DPP10: variants seen among roughly 807,000 people sequenced by gnomAD.
DPP10 encodes dipeptidyl peptidase like 10, also known as inactive dipeptidyl peptidase 10.
A neutral mutation model predicts 120.9 loss-of-function variants in DPP10; 33 were observed. The ratio of observed to expected loss-of-function variants is 0.27; its 90% CI spans 0.21 to 0.37. The LOEUF is 0.37. DPP10 is among the 10% of genes least tolerant of loss of function. The pLI is 1.00. For missense variants in DPP10, 816 were observed against 942.8 expected (o/e 0.87, Z 1.76); for synonymous variants, 337 against 326.1 (o/e 1.03, Z -0.36).
intron 1 of DPP10, among the ~76,000 whole-genome samples, chr2:115,146,644 T>C (rs1371358604): frequency 1.3e-5 from 2 of 151,440 alleles, no homozygotes; most frequent in East Asian, 1.9e-4. Flanking sequence ...CATTCTGGTA[T>C]AGTCTGATTG....
intron 1 of DPP10, among the ~76,000 whole-genome samples, chr2:114,804,115 G>T (rs748590159): frequency 2.0e-5 from 3 of 152,192 alleles, no homozygotes; most frequent in Admixed American, 6.5e-5. Context: ...GGGCTGTAGG[G>T]GCTGTGGCTT....
At position 114,511,100 on chromosome 2, in the gene DPP10, T is replaced by C. The variant is rs192467931; in HGVS notation, c.60+68262T>C. 3.8e-3 allele frequency among the ~76,000 whole-genome samples: 576 copies of C among 152,298 alleles called. 2 individuals carry two copies. The highest frequency in any genetic ancestry group is 0.013 in the African/African-American group (547 of 41,558). ...AAGAGTGGGGACTAACAATTCAATC[T>C]TATACCAAAGATAAATAAGTATGTA... On this transcript the variant is annotated intron_variant, in intron 1 of 25. Coordinates refer to ENST00000410059, the MANE Select transcript of DPP10 (RefSeq NM_020868.6).
intron 3 of DPP10, among the ~76,000 whole-genome samples, chr2:115,379,350 G>A (rs1480790234): frequency 8.5e-5 from 13 of 152,126 alleles, no homozygotes; most frequent in Non-Finnish European, 1.9e-4. Context: ...AGAGTTGTTT[G>A]TAGTATTCTC....
intron 8 of DPP10, among the ~76,000 whole-genome samples, chr2:115,738,293 C>G (rs574726724): frequency 6.6e-6 from 1 of 152,238 alleles, no homozygotes; most frequent in Admixed American, 6.5e-5. Context: ...CCATCGTGAC[C>G]TTTGGTTTTG....
intron 5 of DPP10, among the ~76,000 whole-genome samples, chr2:115,644,170 A>T (rs559890961): frequency 3.3e-5 from 5 of 151,948 alleles, no homozygotes; most frequent in African/African-American, 7.2e-5. Flanking sequence ...ATATATATAT[A>T]TTTTTATTAT....
intron 1 of DPP10, among the ~76,000 whole-genome samples, chr2:114,570,075 A>T (rs775719071): frequency 1.3e-5 from 2 of 152,158 alleles, no homozygotes; most frequent in Non-Finnish European, 2.9e-5. Flanking sequence ...CTAATGGGGG[A>T]TGAGAAGTTT....
At chr2:115,262,069 C>T (rs1574210215) in intron 1 of DPP10, among the ~76,000 whole-genome samples, 1 of 152,184 alleles carries the variant, frequency 6.6e-6, no homozygotes, top group Non-Finnish European at 1.5e-5. Context: ...ACTTCTACCA[C>T]ATACAAATTG....
intron 1 of DPP10, among the ~76,000 whole-genome samples, chr2:114,656,381 G>T (rs1182418488): frequency 1.3e-5 from 2 of 152,026 alleles, no homozygotes; most frequent in African/African-American, 4.8e-5. Flanking sequence ...AGGAGGAAAA[G>T]GAGTGATTTG....
intron 5 of DPP10, among the ~76,000 whole-genome samples, chr2:115,643,327 A>G (rs1022921388): frequency 5.9e-5 from 9 of 152,168 alleles, no homozygotes; most frequent in Non-Finnish European, 1.3e-4. Flanking sequence ...TTCGGCTGCA[A>G]TAGAGAGATT....
chr2:115,004,864 C>T (rs1487307797), intron 1 of DPP10, among the ~76,000 whole-genome samples: 1 of 152,164 alleles, frequency 6.6e-6, no homozygotes, highest in Non-Finnish European at 1.5e-5. Flanking sequence ...GTGGAGCCCA[C>T]CACAGCTCAA....
At position 114,796,526 on chromosome 2, in the gene DPP10, A is replaced by C. The variant is rs182320521; in HGVS notation, c.60+353688A>C. On this transcript the variant is annotated intron_variant, in intron 1 of 25. Coordinates refer to ENST00000410059, the MANE Select transcript of DPP10 (RefSeq NM_020868.6). ...TTAGTCAACTGTTGATGTTACTGGT[A>C]AGGCTTTTGGTCAACAGTATGCTAT... Among the ~76,000 whole-genome samples the C allele has an allele frequency of 1.3e-3, 195 of 152,186 alleles. 1 individual carries two copies. The highest frequency in any genetic ancestry group is 4.2e-3 in the African/African-American group (176 of 41,532).
chr2:114,800,932 G>A (rs1684137390), intron 1 of DPP10, among the ~76,000 whole-genome samples: 1 of 90,592 alleles, frequency 1.1e-5, no homozygotes, highest in Non-Finnish European at 2.3e-5. Context: ...GGAAAAAAAT[G>A]GGAATTAAAA....
chr2:115,815,638 A>G, intron 20 of DPP10, 37 bp from the exon 21 acceptor site: 1 of 1,556,506 alleles, frequency 6.4e-7, no homozygotes, highest in Non-Finnish European at 8.8e-7. Flanking sequence ...CATTTAACTC[A>G]CAAAGATATA....
chr2:115,595,742 A>G (rs1431940240), intron 5 of DPP10, among the ~76,000 whole-genome samples: 1 of 151,872 alleles, frequency 6.6e-6, no homozygotes, highest in South Asian at 2.1e-4. Flanking sequence ...CCAATTTTCT[A>G]TATCCGTTTA....
At chr2:115,324,617 T>C (rs994859140) in intron 2 of DPP10, among the ~76,000 whole-genome samples, 1 of 152,194 alleles carries the variant, frequency 6.6e-6, no homozygotes, top group African/African-American at 2.4e-5. Flanking sequence ...TTTGATCTTC[T>C]ATCCAGAACA....
At chr2:115,205,368 T>C (rs1401379974) in intron 1 of DPP10, among the ~76,000 whole-genome samples, 2 of 152,172 alleles carry the variant, frequency 1.3e-5, no homozygotes, top group East Asian at 1.9e-4. Context: ...TTATTACTTA[T>C]TTCTGTAGAC....
chr2:115,430,894 G>C (rs2070915172), intron 3 of DPP10, among the ~76,000 whole-genome samples: 1 of 151,982 alleles, frequency 6.6e-6, no homozygotes, highest in Non-Finnish European at 1.5e-5. Context: ...TTTTTTTCTT[G>C]GAGAGGGCAG....
chr2:115,762,689 A>T (rs1680261439), intron 12 of DPP10, 79 bp downstream of exon 12: 1 of 1,530,144 alleles, frequency 6.5e-7, no homozygotes, highest in Admixed American at 1.7e-5. Flanking sequence ...AACTTTCTGT[A>T]AAAAGTATGA....
intron 1 of DPP10, among the ~76,000 whole-genome samples, chr2:115,076,008 C>T (rs150269703): frequency 9.0e-4 from 137 of 152,122 alleles, no homozygotes; most frequent in African/African-American, 3.2e-3. Context: ...TTTCATTCAC[C>T]CTGTGCTACA....
Sources: allele counts gnomAD v4.1 joint callset (sites outside exome capture counted in the v4.1 genomes callset), GRCh38; gene constraint gnomAD v4.1.1; transcripts MANE v1.5; gene names NCBI Gene and HGNC (gene_info 2026-07-23, HGNC 2026-07-21).